DLGAP1: variants seen among roughly 807,000 people sequenced by gnomAD.
DLGAP1 encodes DLG associated protein 1, also known as disks large-associated protein 1.
Under a neutral mutation model 90.8 loss-of-function variants are expected in DLGAP1, and 11 were observed. That is an observed-to-expected ratio of 0.12 (90% CI 0.08 to 0.20). DLGAP1 has a LOEUF of 0.20. Ranked by LOEUF, DLGAP1 falls within the 10% of genes least tolerant of loss-of-function variation. DLGAP1 has a pLI of 1.00. For missense variants in DLGAP1, 1,050 were observed against 1,333.8 expected, an observed-to-expected ratio of 0.79 and a Z score of 3.31; for synonymous variants, 558 against 540.7, an observed-to-expected ratio of 1.03 and a Z score of -0.44.
At chr18:3,658,795 T>C (rs2059584671) in intron 7 of DLGAP1, among the ~76,000 whole-genome samples, 1 of 152,220 alleles carries the variant, frequency 6.6e-6, no homozygotes, top group Non-Finnish European at 1.5e-5. Context: ...TTGAGTATAA[T>C]CATGGTGTCA....
At chr18:3,730,496 T>C (rs764694723) in intron 6 of DLGAP1, among the ~76,000 whole-genome samples, 43 of 152,214 alleles carry the variant, frequency 2.8e-4, no homozygotes, top group Admixed American at 6.5e-4. Flanking sequence ...TCTCACTTTT[T>C]AGTTGACTTG....
At chr18:3,551,658 CT>C (rs1568179938) in intron 9 of DLGAP1, among the ~76,000 whole-genome samples, 3 of 6,302 alleles carry the variant, frequency 4.8e-4, no homozygotes, top group African/African-American at 7.4e-4. Context: ...CTCTCTTTGT[CT>C]CTTTCCTTCT....
intron 7 of DLGAP1, among the ~76,000 whole-genome samples, chr18:3,602,487 C>T (rs1045710720): frequency 2.8e-5 from 4 of 144,282 alleles, no homozygotes; most frequent in Admixed American, 7.2e-5. Context: ...CCCAGCTACT[C>T]GGGAGGCTGA....
intron 1 of DLGAP1, among the ~76,000 whole-genome samples, chr18:4,438,457 AATCTC>A (rs2083455200): frequency 7.2e-6 from 1 of 139,178 alleles, no homozygotes; most frequent in African/African-American, 2.6e-5. Flanking sequence ...AAAAAAAAGA[AATCTC>A]ATCTCATATG....
chr18:3,714,032 AAT>A (rs749125653), intron 7 of DLGAP1, among the ~76,000 whole-genome samples: 3 of 152,166 alleles, frequency 2.0e-5, no homozygotes, highest in African/African-American at 4.8e-5. Context: ...ATTCTGTTCC[AAT>A]GCTTCTGGAG....
At chr18:4,103,974 C>G (rs1421811505) in intron 2 of DLGAP1, among the ~76,000 whole-genome samples, 1 of 152,018 alleles carries the variant, frequency 6.6e-6, no homozygotes, top group Non-Finnish European at 1.5e-5. Context: ...GTTTTACATC[C>G]ACATTTACAA....
chr18:4,416,629 A>G (rs966939179), intron 1 of DLGAP1, among the ~76,000 whole-genome samples: 2 of 152,216 alleles, frequency 1.3e-5, no homozygotes, highest in East Asian at 1.9e-4. Context: ...CTAACTTTCT[A>G]TAAGATCCAA....
intron 1 of DLGAP1, among the ~76,000 whole-genome samples, chr18:4,238,734 C>G (rs2078469547): frequency 6.6e-6 from 1 of 152,098 alleles, no homozygotes; most frequent in African/African-American, 2.4e-5. Flanking sequence ...TTACTGAAAG[C>G]AAATGAGCTG....
intron 3 of DLGAP1, among the ~76,000 whole-genome samples, chr18:3,903,836 T>C (rs991514753): frequency 2.0e-5 from 3 of 152,190 alleles, no homozygotes; most frequent in Non-Finnish European, 2.9e-5. Context: ...AGATGCCTCA[T>C]TGGAAAAATA....
At chr18:4,146,635 TAATTA>T (rs1335202598) in intron 2 of DLGAP1, among the ~76,000 whole-genome samples, 1 of 152,166 alleles carries the variant, frequency 6.6e-6, no homozygotes, top group African/African-American at 2.4e-5. Context: ...ATTTATGTTT[TAATTA>T]ATATTTAAGC....
chr18:4,028,453 G>A (rs927587609), intron 2 of DLGAP1, among the ~76,000 whole-genome samples: 2 of 152,124 alleles, frequency 1.3e-5, no homozygotes, highest in Non-Finnish European at 2.9e-5. Flanking sequence ...AAAAAAGCAG[G>A]CACAGGGCAC....
intron 7 of DLGAP1, among the ~76,000 whole-genome samples, chr18:3,703,874 T>C (rs1411488683): frequency 6.6e-6 from 1 of 152,096 alleles, no homozygotes; most frequent in Non-Finnish European, 1.5e-5. Flanking sequence ...AGAATTTCCT[T>C]GGAGATTACT....
At chr18:4,042,945 A>T (rs995098416) in intron 2 of DLGAP1, among the ~76,000 whole-genome samples, 2 of 152,142 alleles carry the variant, frequency 1.3e-5, no homozygotes, top group Non-Finnish European at 2.9e-5. Flanking sequence ...ACATAGGATA[A>T]TTTTTCTCTT....
chr18:3,813,985 G>C, intron 5 of DLGAP1, 74 bp downstream of exon 5: 1 of 1,463,516 alleles, frequency 6.8e-7, no homozygotes, highest in Non-Finnish European at 9.6e-7. Context: ...CTTACTCTAG[G>C]AGACACACCA....
chr18:3,973,128 A>G (rs75994164), intron 3 of DLGAP1, among the ~76,000 whole-genome samples: 254 of 152,220 alleles, frequency 1.7e-3, no homozygotes, highest in Admixed American at 2.7e-3. Context: ...TTTTTATTCA[A>G]GTTGAGTAAT....
At chr18:3,536,114 G>A (rs2052359319) in intron 9 of DLGAP1, among the ~76,000 whole-genome samples, 3 of 152,090 alleles carry the variant, frequency 2.0e-5, no homozygotes, top group Admixed American at 2.0e-4. Flanking sequence ...CATTTTTCCA[G>A]GGGCAACTCT....
chr18:3,636,622 G>T (rs1457355778), intron 7 of DLGAP1, among the ~76,000 whole-genome samples: 1 of 150,872 alleles, frequency 6.6e-6, no homozygotes, highest in Non-Finnish European at 1.5e-5. Context: ...CTCTATGTTG[G>T]CCAGGCTGGT....
At chr18:3,987,957 G>A (rs2073875877) in intron 3 of DLGAP1, among the ~76,000 whole-genome samples, 1 of 152,098 alleles carries the variant, frequency 6.6e-6, no homozygotes, top group South Asian at 2.1e-4. Context: ...ACCAGGGCGG[G>A]GGATGGTTTC....
In DLGAP1 at chr18:3,581,664, GA is replaced by G. The variant is rs71159093; in HGVS notation, c.1965+210del. On this transcript the variant is annotated intron_variant, in intron 8 of 12. Transcript: ENST00000315677. Reference sequence around the variant, plus strand: ...TCAAATAAAAAAATCTTCTCACCATGAAAAAAAAAAAAAAAGAAAAGAAAAT... The same window carrying G: ...TCAAATAAAAAAATCTTCTCACCATGAAAAAAAAAAAAAAGAAAAGAAAAT... 1.4e-3 allele frequency among the ~76,000 whole-genome samples: 198 copies of G among 142,030 alleles called. 1 individual carries two copies. The highest frequency in any genetic ancestry group is 4.2e-3 in the African/African-American group (161 of 38,262). The allele number at this position is 142,030 out of a possible 152,430, so 93.2% of individuals were successfully genotyped here. A position where few individuals can be genotyped will look rare whatever the true frequency, so the allele number is the denominator to read the frequency against.
Sources: allele counts gnomAD v4.1 joint callset (sites outside exome capture counted in the v4.1 genomes callset), GRCh38; gene constraint gnomAD v4.1.1; transcripts MANE v1.5; gene names NCBI Gene and HGNC (gene_info 2026-07-23, HGNC 2026-07-21).